PRKAG2: variants seen among roughly 807,000 people sequenced by gnomAD.
The protein encoded by PRKAG2 is protein kinase AMP-activated non-catalytic subunit gamma 2.
PRKAG2 carries 26 observed loss-of-function variants against 69.6 expected under a neutral mutation model. That is an observed-to-expected ratio of 0.37 (90% CI 0.27 to 0.52). The LOEUF is 0.52. Ranked by LOEUF, PRKAG2 falls within the 20% of genes least tolerant of loss-of-function variation. PRKAG2 has a pLI of 0.90. For missense variants in PRKAG2, 557 were observed against 740.0 expected, an observed-to-expected ratio of 0.75 and a Z score of 2.87; for synonymous variants, 293 against 285.0, an observed-to-expected ratio of 1.03 and a Z score of -0.28.
At position 151,777,269 on chromosome 7, in the gene PRKAG2, C is replaced by T. The variant is rs1234789184; in HGVS notation, c.466+3883G>A. Among the ~76,000 whole-genome samples, 1 of 152,240 alleles carries T rather than the reference C, an allele frequency of 6.6e-6. No homozygotes were observed. Among genetic ancestry groups the T allele is most frequent in the African/African-American group, 2.4e-5 (1 of 41,466 alleles). On this transcript the variant is annotated intron_variant, in intron 3 of 15. Transcript: ENST00000287878. This position sits in a 1 kb window ranked among gnomAD's most constrained non-coding sequence, Gnocchi z 4.3. Reference sequence around the variant, plus strand: ...ATCCCCAGGCCTGTGCCTGCGTTCCCTCACTGTGAGCACAGTGTCTGCTGG... The same window carrying T: ...ATCCCCAGGCCTGTGCCTGCGTTCCTTCACTGTGAGCACAGTGTCTGCTGG...
intron 1 of PRKAG2, among the ~76,000 whole-genome samples, chr7:151,824,258 G>C (rs2078857727): frequency 6.6e-6 from 1 of 152,132 alleles, no homozygotes; most frequent in Admixed American, 6.5e-5. Flanking sequence ...ATTGGTTCAG[G>C]TCAAAGATCC....
chr7:151,727,713 GAGA>G (rs1798223743), intron 3 of PRKAG2, among the ~76,000 whole-genome samples: 2 of 147,450 alleles, frequency 1.4e-5, no homozygotes, highest in South Asian at 2.3e-4. Context: ...GCCCAGGAGC[GAGA>G]AGGAGGGAGG....
intron 4 of PRKAG2, among the ~76,000 whole-genome samples, chr7:151,647,774 T>G (rs6956765): frequency 0.036 from 5,419 of 152,238 alleles, 314 homozygotes; most frequent in African/African-American, 0.12. Flanking sequence ...CTCAAATCGT[T>G]TTTGGCAATA....
intron 3 of PRKAG2, among the ~76,000 whole-genome samples, chr7:151,741,190 G>A (rs1199751522): frequency 6.6e-6 from 1 of 151,912 alleles, no homozygotes; most frequent in Non-Finnish European, 1.5e-5. Context: ...ATCAGCCTGG[G>A]CAACTGAGTG....
At chr7:151,595,234 A>T in intron 6 of PRKAG2, 111 bp downstream of exon 6, 1 of 756,324 alleles carries the variant, frequency 1.3e-6, no homozygotes, top group South Asian at 1.5e-5. Flanking sequence ...AGTGCCCGAT[A>T]GTGCAAAGGA....
At chr7:151,823,109 G>A (rs1035142772) in intron 1 of PRKAG2, among the ~76,000 whole-genome samples, 1 of 150,532 alleles carries the variant, frequency 6.6e-6, no homozygotes, top group African/African-American at 2.5e-5. Flanking sequence ...ACAGCAGCAG[G>A]GGCCAGGCCA....
In PRKAG2 at chr7:151,568,910, T is replaced by C. The variant is rs575861481; in HGVS notation, c.1107-68A>G. The C allele has an allele frequency of 4.8e-5, 74 of 1,557,008 alleles. No homozygotes were observed. In the South Asian group the frequency reaches 7.9e-4, roughly 17 times the overall value. On this transcript the variant is annotated intron_variant, in intron 10 of 15. Transcript: ENST00000287878. ...AAATCAGAACACTTTGGACTACCCC[T>C]GCCTTAAAGCACTTCCAGTGTTTTT...
At position 151,614,194 on chromosome 7, in the gene PRKAG2, C is replaced by G. The variant is rs1386078975; in HGVS notation, c.754+17875G>C. Among the ~76,000 whole-genome samples the G allele has an allele frequency of 6.6e-6, 1 of 152,150 alleles. No homozygotes were observed. The highest frequency in any genetic ancestry group is 2.4e-5 in the African/African-American group (1 of 41,436). The stretch of plus-strand genomic sequence containing the variant: ...CTGTCAGGGGAGGTGACGCTGTCTC[C>G]AGCTGTGTCTTGAAGGCAGGAAAAG... On this transcript the variant is annotated intron_variant, in intron 5 of 15. Coordinates refer to ENST00000287878, the MANE Select transcript of PRKAG2 (RefSeq NM_016203.4). The surrounding 1 kb of genome is among the most constrained non-coding windows in gnomAD (Gnocchi z 4.4).
At chr7:151,708,645 C>T (rs929698341) in intron 3 of PRKAG2, among the ~76,000 whole-genome samples, 2 of 152,152 alleles carry the variant, frequency 1.3e-5, no homozygotes, top group Admixed American at 6.5e-5. Flanking sequence ...GGAGGGCTTT[C>T]CTGTCGTACC....
At chr7:151,861,160 T>C (rs369217444) in intron 1 of PRKAG2, among the ~76,000 whole-genome samples, 1 of 152,190 alleles carries the variant, frequency 6.6e-6, no homozygotes, top group Non-Finnish European at 1.5e-5. Context: ...AGGAGACCTA[T>C]TGAACAAATT....
Position 151,807,847 on chromosome 7 carries a change from C to T in PRKAG2, c.115-21306G>A, listed in dbSNP as rs1038982528. Among the ~76,000 whole-genome samples the T allele has an allele frequency of 3.9e-5, 6 of 152,068 alleles. No individual in the cohort carries two copies. The highest frequency in any genetic ancestry group is 1.9e-4 in the East Asian group (1 of 5,194). On this transcript the variant is annotated intron_variant, in intron 1 of 15. Transcript: ENST00000287878. The surrounding 1 kb of genome is among the most constrained non-coding windows in gnomAD (Gnocchi z 4.4). ...GGGAGAGAAGAGATAAATCTGGATG[C>T]GGTGGAGACAACGGCCAAACAGAAA...
At chr7:151,608,979 A>G (rs1818155917) in intron 5 of PRKAG2, among the ~76,000 whole-genome samples, 1 of 152,090 alleles carries the variant, frequency 6.6e-6, no homozygotes, top group South Asian at 2.1e-4. Flanking sequence ...CTCCCACCTC[A>G]GCCTCCCACA....
intron 1 of PRKAG2, among the ~76,000 whole-genome samples, chr7:151,839,275 G>A (rs374306441): frequency 4.7e-4 from 71 of 152,318 alleles, no homozygotes; most frequent in African/African-American, 1.7e-3. Context: ...GCAGAAGGAA[G>A]GAAAGTAGAA....
intron 5 of PRKAG2, among the ~76,000 whole-genome samples, chr7:151,617,667 A>G (rs1396131660): frequency 6.6e-6 from 1 of 152,182 alleles, no homozygotes; most frequent in Non-Finnish European, 1.5e-5. Flanking sequence ...CATATTCATT[A>G]ATCACAGGTC....
chr7:151,869,862 G>A (rs1415377404), intron 1 of PRKAG2, among the ~76,000 whole-genome samples: 2 of 152,190 alleles, frequency 1.3e-5, no homozygotes, highest in Non-Finnish European at 2.9e-5. Flanking sequence ...CTTGACTACT[G>A]AAGGTTCCCA....
chr7:151,850,698 C>G lies in PRKAG2; in HGVS notation c.114+25809G>C, dbSNP rs1045168509. Among the ~76,000 whole-genome samples the G allele has an allele frequency of 6.6e-6, 1 of 152,220 alleles. No individual in the cohort carries two copies. Among genetic ancestry groups the G allele is most frequent in the African/African-American group, 2.4e-5 (1 of 41,444 alleles). The stretch of plus-strand genomic sequence containing the variant: ...CCCTTGTGCCCCACCAGCATCCACC[C>G]GCCCCACCGGCTTCTGCCAGAGGGA... On this transcript the variant is annotated intron_variant, in intron 1 of 15. Transcript: ENST00000287878. This position sits in a 1 kb window ranked among gnomAD's most constrained non-coding sequence, Gnocchi z 4.1.
chr7:151,677,514 G>T (rs1180036698), intron 3 of PRKAG2, among the ~76,000 whole-genome samples: 6 of 152,138 alleles, frequency 3.9e-5, no homozygotes, highest in African/African-American at 1.4e-4. Context: ...CATCTTACAG[G>T]TAGAAAAATA....
At chr7:151,691,749 T>C (rs1450386859) in intron 3 of PRKAG2, among the ~76,000 whole-genome samples, 2 of 152,172 alleles carry the variant, frequency 1.3e-5, no homozygotes, top group South Asian at 2.1e-4. Context: ...TTTTGGAAAA[T>C]AGTTTGACAG....
At position 151,563,164 on chromosome 7, in the gene PRKAG2, C is replaced by T. The variant is rs192540197; in HGVS notation, c.1584+914G>A. On this transcript the variant is annotated intron_variant, in intron 14 of 15. Transcript: ENST00000287878. ...TAGTGTTCTATTTATGTCATATAAA[C>T]AAATGGAATCATCACTGATACTGTA... Among the ~76,000 whole-genome samples, 12 of 152,196 alleles carry T rather than the reference C, an allele frequency of 7.9e-5. No individual in the cohort carries two copies. The East Asian group carries it at 2.1e-3, about 27-fold the overall frequency.
Sources: gnomAD v4.1 joint callset for allele counts (sites outside exome capture counted in the v4.1 genomes callset) on GRCh38, gnomAD v4.1.1 for gene constraint, Gnocchi (gnomAD v3.1) non-coding constraint, MANE v1.5 for transcripts, NCBI Gene and HGNC (gene_info 2026-07-23, HGNC 2026-07-21) for gene names.